Variants in SOX5 observed in about 807,000 individuals in gnomAD.
SOX5 encodes the protein SRY-box transcription factor 5.
Under a neutral mutation model 92.0 loss-of-function variants are expected in SOX5, and 9 were observed. That is an observed-to-expected ratio of 0.10 (90% CI 0.06 to 0.17). The LOEUF (loss-of-function observed/expected upper bound fraction) is 0.17. Among genes scored for constraint, SOX5 ranks in the 10% least tolerant of loss-of-function variants. The pLI is 1.00. For synonymous variants in SOX5, 344 were observed against 336.3 expected, an observed-to-expected ratio of 1.02 and a Z score of -0.25; for missense variants, 642 against 944.5, an observed-to-expected ratio of 0.68 and a Z score of 4.20.
At chr12:24,253,917 ATC>A (rs1324164909) in intron 3 of SOX5, among the ~76,000 whole-genome samples, 1 of 152,198 alleles carries the variant, frequency 6.6e-6, no homozygotes, top group Non-Finnish European at 1.5e-5. Flanking sequence ...TTACTTAACT[ATC>A]TGTGTCTCAA....
At chr12:23,626,324 A>G (rs761597164) in intron 8 of SOX5, among the ~76,000 whole-genome samples, 4 of 152,044 alleles carry the variant, frequency 2.6e-5, no homozygotes, top group Non-Finnish European at 5.9e-5. Flanking sequence ...TTATTTCTAG[A>G]TGGTCCTTCT....
intron 4 of SOX5, among the ~76,000 whole-genome samples, chr12:24,124,654 CT>C (rs1447941772): frequency 6.6e-6 from 1 of 151,916 alleles, no homozygotes; most frequent in East Asian, 1.9e-4. Context: ...GAATCTTTTA[CT>C]TTGAAAAGAA....
chr12:24,281,968 C>T (rs1212623731), intron 2 of SOX5, among the ~76,000 whole-genome samples: 9 of 44,168 alleles, frequency 2.0e-4, no homozygotes, highest in Admixed American at 1.8e-3. Context: ...ATGCGATTTC[C>T]GGGGCATCAC....
At chr12:24,154,993 C>T (rs1952022242) in intron 4 of SOX5, among the ~76,000 whole-genome samples, 1 of 152,092 alleles carries the variant, frequency 6.6e-6, no homozygotes, top group Admixed American at 6.6e-5. Flanking sequence ...TGTGAGACTA[C>T]TTCCTTCATT....
chr12:24,256,839 A>C (rs1212031364), intron 3 of SOX5, among the ~76,000 whole-genome samples: 4 of 152,204 alleles, frequency 2.6e-5, no homozygotes, highest in Non-Finnish European at 4.4e-5. Context: ...TGCCTGCTGC[A>C]TGACTCCCGG....
At chr12:23,834,397 C>A (rs2096380143) in intron 3 of SOX5, among the ~76,000 whole-genome samples, 2 of 151,832 alleles carry the variant, frequency 1.3e-5, no homozygotes, top group Non-Finnish European at 2.9e-5. Flanking sequence ...TACTTTTGTT[C>A]TAATTCAAGT....
rs192193388 is a variant in SOX5 at position 23,640,760 on chromosome 12, G to A, written c.1017+52C>T. The A allele has an allele frequency of 4.5e-6, 6 of 1,330,344 alleles. No individual in the cohort carries two copies. In the Admixed American group the frequency reaches 5.1e-5, roughly 11 times the overall value. The allele number at this position is 1,330,344 out of a possible 1,614,324, so 82.4% of individuals were successfully genotyped here. A position where few individuals can be genotyped will look rare whatever the true frequency, so the allele number is the denominator to read the frequency against. On this transcript the variant is annotated intron_variant, in intron 8 of 14. Transcript: ENST00000451604. ...ATTTTGCTTTAACACCATAATAGCT[G>A]TTTTCGATATTTACTTAACCTTTGT... is the stretch of plus-strand genomic sequence containing the variant.
intron 4 of SOX5, among the ~76,000 whole-genome samples, chr12:24,010,148 A>G (rs776844134): frequency 1.5e-4 from 23 of 152,208 alleles, no homozygotes; most frequent in Non-Finnish European, 3.1e-4. Context: ...AATAACTACA[A>G]TGTGCCAGAA....
chr12:24,075,491 AT>A (rs1343265754), intron 4 of SOX5, among the ~76,000 whole-genome samples: 2 of 152,104 alleles, frequency 1.3e-5, no homozygotes, highest in Non-Finnish European at 1.5e-5. Context: ...ATGTAAAAAA[AT>A]ATTTAGTTCT....
intron 4 of SOX5, among the ~76,000 whole-genome samples, chr12:23,744,950 C>T (rs1426232635): frequency 2.0e-5 from 3 of 152,142 alleles, no homozygotes; most frequent in Non-Finnish European, 4.4e-5. Flanking sequence ...CACATCGTCT[C>T]GGTCTGTACA....
At chr12:23,603,453 T>C (rs2074815732) in intron 9 of SOX5, among the ~76,000 whole-genome samples, 1 of 144,776 alleles carries the variant, frequency 6.9e-6, no homozygotes, top group African/African-American at 2.5e-5. Context: ...AAAATATATA[T>C]ATATATATAT....
chr12:23,713,737 A>G (rs1384142076), intron 6 of SOX5, among the ~76,000 whole-genome samples: 2 of 148,024 alleles, frequency 1.4e-5, no homozygotes, highest in African/African-American at 4.9e-5. Context: ...TATATATAAT[A>G]TACATATATA....
At position 24,222,436 on chromosome 12, in the gene SOX5, G is replaced by T. The variant is rs151165873; in HGVS notation, c.-76-9019C>A. On this transcript the variant is annotated intron_variant, in intron 3 of 4. Transcript: ENST00000446891. ...GGACTGGACAGGGGTATGAGTGAAA[G>T]CTAGGAGTCAAGGATGACTCCTACA... 1.2e-3 allele frequency among the ~76,000 whole-genome samples: 189 copies of T among 152,172 alleles called. 1 individual carries two copies. The highest frequency in any genetic ancestry group is 4.3e-3 in the African/African-American group (180 of 41,514).
intron 6 of SOX5, among the ~76,000 whole-genome samples, chr12:23,692,432 G>A (rs761518765): frequency 1.1e-3 from 102 of 95,912 alleles, no homozygotes; most frequent in Non-Finnish European, 1.7e-3. Context: ...GTGAGACTAC[G>A]CCTCAGGAAA....
At chr12:24,185,668 T>C (rs893865212) in intron 4 of SOX5, among the ~76,000 whole-genome samples, 3 of 152,172 alleles carry the variant, frequency 2.0e-5, no homozygotes, top group Admixed American at 2.0e-4. Context: ...ACTTTTCTGT[T>C]CCATAATTTC....
At chr12:24,484,466 G>A (rs1356657608) in intron 1 of SOX5, among the ~76,000 whole-genome samples, 1 of 152,118 alleles carries the variant, frequency 6.6e-6, no homozygotes, top group Non-Finnish European at 1.5e-5. Flanking sequence ...CACTGCATTT[G>A]TTGCTTCTTT....
At chr12:24,390,824 A>G (rs1370163323) in intron 1 of SOX5, among the ~76,000 whole-genome samples, 1 of 152,102 alleles carries the variant, frequency 6.6e-6, no homozygotes, top group Non-Finnish European at 1.5e-5. Context: ...CATTTTAGTC[A>G]TCCATTAATG....
intron 3 of SOX5, among the ~76,000 whole-genome samples, chr12:24,262,349 G>A (rs1392494428): frequency 6.6e-6 from 1 of 152,168 alleles, no homozygotes; most frequent in African/African-American, 2.4e-5. Context: ...CTCCTTGCCT[G>A]TCTGCCTTAG....
At chr12:23,999,059 G>A (rs1482553348) in intron 4 of SOX5, among the ~76,000 whole-genome samples, 1 of 151,536 alleles carries the variant, frequency 6.6e-6, no homozygotes, top group Non-Finnish European at 1.5e-5. Flanking sequence ...AAGTTTAACA[G>A]CAGAATCCTC....
Sources: allele counts gnomAD v4.1 joint callset (sites outside exome capture counted in the v4.1 genomes callset), GRCh38; gene constraint gnomAD v4.1.1; transcripts MANE v1.5; gene names NCBI Gene and HGNC (gene_info 2026-07-23, HGNC 2026-07-21).